The following GRID2 variants were observed in gnomAD, a reference collection of about 807,000 sequenced individuals.
GRID2 encodes glutamate ionotropic receptor delta type subunit 2.
In GRID2, 33 loss-of-function variants were observed where a neutral mutation model predicts 114.8. That is an observed-to-expected ratio of 0.29 (90% CI 0.22 to 0.38). The LOEUF is 0.38. GRID2 is among the 10% of genes least tolerant of loss of function. GRID2 has a pLI of 1.00. For missense variants in GRID2, 1,184 were observed against 1,257.7 expected (o/e 0.94, Z 0.89); for synonymous variants, 505 against 449.9 (o/e 1.12, Z -1.55).
At chr4:93,078,777 C>CAGTATATACTAAATATAATTATATTTA in intron 2 of GRID2, among the ~76,000 whole-genome samples, 1 of 144,222 alleles carries the variant, frequency 6.9e-6, no homozygotes, top group Admixed American at 7.0e-5. Context: ...TATTTATATA[C>CAGTATATACTAAATATAATTATATTTA]TGTATATACT....
chr4:92,666,554 G>C (rs543034186), intron 2 of GRID2, among the ~76,000 whole-genome samples: 1 of 150,306 alleles, frequency 6.7e-6, no homozygotes, highest in Non-Finnish European at 1.5e-5. Flanking sequence ...CCTTCACCTG[G>C]ATATGCTGCT....
intron 1 of GRID2, among the ~76,000 whole-genome samples, chr4:92,385,490 T>G (rs1228073010): frequency 6.6e-6 from 1 of 151,808 alleles, no homozygotes; most frequent in East Asian, 1.9e-4. Context: ...CAAACCATTT[T>G]TTTTTTCCTA....
intron 2 of GRID2, among the ~76,000 whole-genome samples, chr4:92,978,810 T>C (rs1375136743): frequency 6.6e-6 from 1 of 152,100 alleles, no homozygotes; most frequent in Non-Finnish European, 1.5e-5. Context: ...GATAGGAGAA[T>C]CACCTGGGGC....
intron 4 of GRID2, among the ~76,000 whole-genome samples, chr4:93,135,800 G>A (rs1286626989): frequency 6.6e-6 from 1 of 152,038 alleles, no homozygotes; most frequent in Non-Finnish European, 1.5e-5. Context: ...ATCAATTTTA[G>A]GATGTGAATT....
At chr4:93,051,118 A>T (rs1289466544) in intron 2 of GRID2, among the ~76,000 whole-genome samples, 4 of 152,056 alleles carry the variant, frequency 2.6e-5, no homozygotes, top group Non-Finnish European at 5.9e-5. Context: ...TTAATTTGGC[A>T]TGTGTAATGA....
chr4:92,865,724 T>C (rs1744812122), intron 2 of GRID2, among the ~76,000 whole-genome samples: 1 of 152,228 alleles, frequency 6.6e-6, no homozygotes, highest in Non-Finnish European at 1.5e-5. Flanking sequence ...GTTGAATGAC[T>C]GAATGAATAT....
chr4:92,542,113 C>A (rs1206401382), intron 1 of GRID2, among the ~76,000 whole-genome samples: 1 of 151,912 alleles, frequency 6.6e-6, no homozygotes, highest in Non-Finnish European at 1.5e-5. Context: ...AAATGCATAT[C>A]CTCATTAACT....
intron 8 of GRID2, among the ~76,000 whole-genome samples, chr4:93,258,020 A>T (rs1197335323): frequency 6.7e-6 from 1 of 149,240 alleles, no homozygotes; most frequent in Non-Finnish European, 1.5e-5. Flanking sequence ...ACACACACAC[A>T]CACACACAAT....
At chr4:92,947,641 G>A (rs936555969) in intron 2 of GRID2, among the ~76,000 whole-genome samples, 1 of 151,678 alleles carries the variant, frequency 6.6e-6, no homozygotes, top group Non-Finnish European at 1.5e-5. Context: ...TTGAATTAAT[G>A]AAAACTGTTT....
chr4:93,063,040 A>G (rs1319411567), intron 2 of GRID2, among the ~76,000 whole-genome samples: 1 of 151,938 alleles, frequency 6.6e-6, no homozygotes, highest in Non-Finnish European at 1.5e-5. Flanking sequence ...TTGTAGTGAG[A>G]TGGCTGCATT....
At chr4:93,178,053 G>A (rs1739513317) in intron 4 of GRID2, among the ~76,000 whole-genome samples, 1 of 145,710 alleles carries the variant, frequency 6.9e-6, no homozygotes, top group Non-Finnish European at 1.5e-5. Flanking sequence ...TATAGCTATC[G>A]TATGGTTTTA....
At chr4:93,019,841 G>A (rs1164453491) in intron 2 of GRID2, among the ~76,000 whole-genome samples, 1 of 152,076 alleles carries the variant, frequency 6.6e-6, no homozygotes, top group Non-Finnish European at 1.5e-5. Flanking sequence ...TCGTATCAAA[G>A]TATCACATGT....
chr4:92,946,263 G>C (rs1751624732), intron 2 of GRID2, among the ~76,000 whole-genome samples: 1 of 151,952 alleles, frequency 6.6e-6, no homozygotes, highest in Non-Finnish European at 1.5e-5. Flanking sequence ...ATTCCCAAAA[G>C]TTATTTGACT....
At chr4:93,657,483 G>T (rs191983599) in intron 14 of GRID2, among the ~76,000 whole-genome samples, 7 of 152,100 alleles carry the variant, frequency 4.6e-5, no homozygotes, top group East Asian at 1.9e-4. Context: ...GGAACTATTC[G>T]ATTTGATGGG....
intron 2 of GRID2, among the ~76,000 whole-genome samples, chr4:93,022,890 T>A (rs1723515970): frequency 6.6e-6 from 1 of 151,982 alleles, no homozygotes; most frequent in Admixed American, 6.6e-5. Flanking sequence ...TAAAAAAAAT[T>A]CACTTGTGTC....
At chr4:93,582,328 A>T (rs1380760940) in intron 13 of GRID2, among the ~76,000 whole-genome samples, 1 of 152,114 alleles carries the variant, frequency 6.6e-6, no homozygotes, top group African/African-American at 2.4e-5. Flanking sequence ...GTCCTTTAAG[A>T]TTAGGCCCAA....
intron 10 of GRID2, among the ~76,000 whole-genome samples, chr4:93,428,884 T>C (rs1233175060): frequency 6.6e-6 from 1 of 152,136 alleles, no homozygotes; most frequent in Non-Finnish European, 1.5e-5. Flanking sequence ...GAATTTAATA[T>C]TGTGGGTTGA....
At chr4:92,933,633 A>C (rs976947880) in intron 2 of GRID2, among the ~76,000 whole-genome samples, 16 of 151,660 alleles carry the variant, frequency 1.1e-4, no homozygotes, top group African/African-American at 3.4e-4. Context: ...TCTGTTTATC[A>C]CAAAGTTTCA....
At chr4:93,534,917 T>C (rs192689989) in intron 13 of GRID2, among the ~76,000 whole-genome samples, 44 of 151,696 alleles carry the variant, frequency 2.9e-4, no homozygotes, top group African/African-American at 1.0e-3. Context: ...CAGTATGTTG[T>C]TATTAATCAT....
Sources: allele counts gnomAD v4.1 joint callset (sites outside exome capture counted in the v4.1 genomes callset), GRCh38; gene constraint gnomAD v4.1.1; transcripts MANE v1.5; gene names NCBI Gene and HGNC (gene_info 2026-07-23, HGNC 2026-07-21).